The following MARCHF1 variants were observed in gnomAD, a reference collection of about 807,000 sequenced individuals.
MARCHF1 encodes membrane associated ring-CH-type finger 1.
A neutral mutation model predicts 54.2 loss-of-function variants in MARCHF1; 40 were observed. That is an observed-to-expected ratio of 0.74 (90% CI 0.57 to 0.96). The LOEUF (loss-of-function observed/expected upper bound fraction) is 0.96. Among genes scored for constraint, MARCHF1 ranks in the 40% least tolerant of loss-of-function variants. The pLI is 0.00. For synonymous variants in MARCHF1, 236 were observed against 236.3 expected, an observed-to-expected ratio of 1.00 and a Z score of 0.01; for missense variants, 586 against 656.5, an observed-to-expected ratio of 0.89 and a Z score of 1.17.
At chr4:163,722,153 T>A (rs1434989436) in intron 4 of MARCHF1, among the ~76,000 whole-genome samples, 1 of 152,174 alleles carries the variant, frequency 6.6e-6, no homozygotes, top group Non-Finnish European at 1.5e-5. Flanking sequence ...TCCTGCTTTC[T>A]CTTGTGGGCA....
At chr4:164,075,870 A>G (rs1353504951) in intron 2 of MARCHF1, among the ~76,000 whole-genome samples, 3 of 152,160 alleles carry the variant, frequency 2.0e-5, no homozygotes, top group African/African-American at 4.8e-5. Context: ...CTCTAGACAC[A>G]TATGCATATA....
intron 4 of MARCHF1, among the ~76,000 whole-genome samples, chr4:163,779,378 T>A (rs996403520): frequency 3.9e-5 from 6 of 152,172 alleles, no homozygotes; most frequent in African/African-American, 9.6e-5. Context: ...ATTGGAAGTC[T>A]TTTTTTACTT....
intron 8 of MARCHF1, among the ~76,000 whole-genome samples, chr4:163,556,615 A>G (rs1268148248): frequency 7.2e-5 from 11 of 151,866 alleles, no homozygotes; most frequent in Admixed American, 7.2e-4. Context: ...TCATATATAT[A>G]CGATTTATAT....
At chr4:164,310,872 T>C (rs1213846794) in intron 1 of MARCHF1, among the ~76,000 whole-genome samples, 1 of 152,156 alleles carries the variant, frequency 6.6e-6, no homozygotes, top group African/African-American at 2.4e-5. Context: ...AAGATAAATA[T>C]TGATTTTTCT....
chr4:163,731,552 CT>C (rs1181468539), intron 4 of MARCHF1, among the ~76,000 whole-genome samples: 3 of 152,150 alleles, frequency 2.0e-5, no homozygotes, highest in Non-Finnish European at 4.4e-5. Context: ...GAAGATAATT[CT>C]GGGAGTGTGA....
intron 9 of MARCHF1, among the ~76,000 whole-genome samples, chr4:163,537,393 C>A (rs989082345): frequency 3.9e-5 from 6 of 152,142 alleles, no homozygotes; most frequent in African/African-American, 1.4e-4. Flanking sequence ...CCCTGGGGAT[C>A]CTATGTACAA....
At chr4:164,315,395 A>G (rs767043695) in intron 1 of MARCHF1, among the ~76,000 whole-genome samples, 7 of 152,174 alleles carry the variant, frequency 4.6e-5, no homozygotes, top group Non-Finnish European at 1.0e-4. Context: ...TAATACACCA[A>G]TGGGCAATGT....
At chr4:164,371,588 G>C (rs1731038265) in intron 1 of MARCHF1, among the ~76,000 whole-genome samples, 3 of 152,102 alleles carry the variant, frequency 2.0e-5, no homozygotes, top group African/African-American at 7.2e-5. Context: ...CAAAACTTAA[G>C]ACAATCTGCA....
At chr4:163,846,159 G>T (rs1267093975) in intron 4 of MARCHF1, among the ~76,000 whole-genome samples, 1 of 152,134 alleles carries the variant, frequency 6.6e-6, no homozygotes, top group Admixed American at 6.6e-5. Context: ...GAATAAGAAA[G>T]AATTAAAAGG....
At chr4:163,641,864 T>G (rs1742566180) in intron 5 of MARCHF1, among the ~76,000 whole-genome samples, 1 of 152,148 alleles carries the variant, frequency 6.6e-6, no homozygotes, top group South Asian at 2.1e-4. Flanking sequence ...TTAGTCAGAC[T>G]TTCCTAATTT....
intron 1 of MARCHF1, among the ~76,000 whole-genome samples, chr4:164,122,171 C>A (rs1756082173): frequency 6.6e-6 from 1 of 151,994 alleles, no homozygotes; most frequent in African/African-American, 2.4e-5. Context: ...CCTAAAAAAA[C>A]TGGGGATAAA....
intron 5 of MARCHF1, among the ~76,000 whole-genome samples, chr4:163,681,668 T>C (rs1203514142): frequency 6.6e-6 from 1 of 152,190 alleles, no homozygotes; most frequent in South Asian, 2.1e-4. Context: ...AAGAAGGATG[T>C]GTTTGCTGCT....
At chr4:163,821,023 G>C (rs1200793130) in intron 4 of MARCHF1, among the ~76,000 whole-genome samples, 1 of 152,026 alleles carries the variant, frequency 6.6e-6, no homozygotes, top group Non-Finnish European at 1.5e-5. Flanking sequence ...TGTCCCGCAT[G>C]GTCCTGGCTC....
rs1047948101 is a variant in MARCHF1, at chr4:164,102,747, T to C, written c.-248+8841A>G. 1.4e-3 allele frequency among the ~76,000 whole-genome samples: 208 copies of C among 151,006 alleles called. 4 individuals carry two copies. In the South Asian group the frequency reaches 0.042, roughly 31 times the overall value. ...CCAGCTAACATCATAATGACAGGAT[T>C]AAATTCACACATAACAATATTAACT... On this transcript the variant is annotated intron_variant, in intron 2 of 9. Transcript: ENST00000514618.
chr4:164,033,176 GAAAAAAA>G (rs893008974), intron 2 of MARCHF1, among the ~76,000 whole-genome samples: 1 of 127,968 alleles, frequency 7.8e-6, no homozygotes. Flanking sequence ...TCCATCTCGG[GAAAAAAA>G]AAAAAAAAGA....
At chr4:163,840,635 CT>C (rs1749310868) in intron 4 of MARCHF1, among the ~76,000 whole-genome samples, 1 of 151,964 alleles carries the variant, frequency 6.6e-6, no homozygotes, top group Non-Finnish European at 1.5e-5. Flanking sequence ...TTCCCAGGGG[CT>C]GGAAGGTGGC....
At chr4:164,233,448 AT>A (rs1437394740) in intron 1 of MARCHF1, among the ~76,000 whole-genome samples, 2 of 152,026 alleles carry the variant, frequency 1.3e-5, no homozygotes, top group East Asian at 3.9e-4. Context: ...ACTGACTAAA[AT>A]TTGTCTTCAT....
At chr4:164,298,854 GT>G (rs1034232403) in intron 1 of MARCHF1, among the ~76,000 whole-genome samples, 1 of 152,064 alleles carries the variant, frequency 6.6e-6, no homozygotes, top group Non-Finnish European at 1.5e-5. Flanking sequence ...CTCTGATATG[GT>G]TAAAGGGAAT....
chr4:164,097,451 A>G (rs142362306), intron 2 of MARCHF1, among the ~76,000 whole-genome samples: 52 of 152,316 alleles, frequency 3.4e-4, no homozygotes, highest in Middle Eastern at 3.4e-3. Flanking sequence ...TATTATAGAT[A>G]TCATAAACTA....
Sources: gnomAD v4.1 joint callset for allele counts (sites outside exome capture counted in the v4.1 genomes callset) on GRCh38, gnomAD v4.1.1 for gene constraint, MANE v1.5 for transcripts, NCBI Gene and HGNC (gene_info 2026-07-23, HGNC 2026-07-21) for gene names.